Variants in USP47 observed in about 807,000 individuals in gnomAD.
USP47 encodes the protein ubiquitin carboxyl-terminal hydrolase 47.
A neutral mutation model predicts 165.1 loss-of-function variants in USP47; 35 were observed. The observed-to-expected ratio is 0.21, with a 90% CI of 0.16 to 0.28. The LOEUF (loss-of-function observed/expected upper bound fraction) is 0.28, where lower values mean the gene tolerates loss of function less well. Among genes scored for constraint, USP47 ranks in the 10% least tolerant of loss-of-function variants. USP47 has a pLI of 1.00. For missense variants in USP47, 1,277 were observed against 1,607.4 expected (o/e 0.79, Z 3.52); for synonymous variants, 531 against 544.5 (o/e 0.98, Z 0.35).
chr11:11,900,567 A>G (rs1377294734), intron 5 of USP47, among the ~76,000 whole-genome samples: 2 of 152,200 alleles, frequency 1.3e-5, no homozygotes, highest in Non-Finnish European at 2.9e-5. Context: ...TATATAGTGC[A>G]GTGTACAGGA....
chr11:11,955,974 A>G (rs370553005), intron 27 of USP47, 27 bp from the exon 28 acceptor site: 4 of 1,518,338 alleles, frequency 2.6e-6, no homozygotes, highest in Non-Finnish European at 3.5e-6. Flanking sequence ...CTACTGGACT[A>G]ATATGTGATT....
chr11:11,915,451 G>T (rs549288308), intron 8 of USP47, among the ~76,000 whole-genome samples: 1 of 152,242 alleles, frequency 6.6e-6, no homozygotes, highest in South Asian at 2.1e-4. Context: ...ACCTCTACAG[G>T]TGATAGAATT....
chr11:11,909,985 C>T (rs1337445686), intron 8 of USP47, among the ~76,000 whole-genome samples: 1 of 152,086 alleles, frequency 6.6e-6, no homozygotes, highest in Non-Finnish European at 1.5e-5. Flanking sequence ...AAGCAGTGGT[C>T]CAAATTTGTC....
At chr11:11,918,118 G>A (rs1590374307) in intron 8 of USP47, among the ~76,000 whole-genome samples, 1 of 152,108 alleles carries the variant, frequency 6.6e-6, no homozygotes, top group South Asian at 2.1e-4. Context: ...AGAAAGTTAG[G>A]TACATCATGG....
chr11:11,915,975 A>G (rs560677408), intron 8 of USP47, among the ~76,000 whole-genome samples: 1 of 152,324 alleles, frequency 6.6e-6, no homozygotes, highest in Admixed American at 6.5e-5. Context: ...ATGTACACAT[A>G]AATGGTTAAA....
intron 7 of USP47, among the ~76,000 whole-genome samples, chr11:11,905,072 CT>C (rs1270013008): frequency 2.0e-5 from 3 of 151,934 alleles, no homozygotes; most frequent in Non-Finnish European, 4.4e-5. Flanking sequence ...TAATTGGTAA[CT>C]GATTTCATCA....
intron 5 of USP47, 87 bp downstream of exon 5, chr11:11,897,780 T>A: frequency 3.0e-6 from 3 of 984,356 alleles, no homozygotes; most frequent in Non-Finnish European, 4.6e-6. Context: ...TGCAGTTATT[T>A]TAAAGTTTGG....
chr11:11,874,561 A>AC (rs1445917719), intron 1 of USP47, among the ~76,000 whole-genome samples: 1 of 148,108 alleles, frequency 6.8e-6, no homozygotes, highest in Non-Finnish European at 1.5e-5. Context: ...TGAAGCTGAT[A>AC]CTTTTTTTTT....
chr11:11,885,627 T>C (rs376858575), intron 3 of USP47, among the ~76,000 whole-genome samples: 6 of 152,044 alleles, frequency 3.9e-5, no homozygotes, highest in African/African-American at 1.2e-4. Flanking sequence ...GACACACATA[T>C]AGACCCCAGG....
intron 24 of USP47, chr11:11,951,859 A>G (rs1856248393): frequency 6.6e-6 from 1 of 152,178 alleles, no homozygotes; most frequent in African/African-American, 2.4e-5. Context: ...CGTAGGGAAT[A>G]ATCACTGTGC....
chr11:11,948,199 G>T, intron 21 of USP47, 79 bp downstream of exon 21: 2 of 1,450,880 alleles, frequency 1.4e-6, no homozygotes, highest in Non-Finnish European at 1.8e-6. Flanking sequence ...ACTTCCAAGT[G>T]AGGTGAAGTA....
intron 1 of USP47, among the ~76,000 whole-genome samples, chr11:11,843,088 C>T (rs1848230680): frequency 2.6e-5 from 4 of 152,090 alleles, no homozygotes. Flanking sequence ...CAGGCTAATG[C>T]TTTGGATTTT....
intron 1 of USP47, among the ~76,000 whole-genome samples, chr11:11,856,304 T>C (rs929279263): frequency 1.3e-5 from 2 of 152,246 alleles, no homozygotes; most frequent in African/African-American, 2.4e-5. Flanking sequence ...TTTTACTTGC[T>C]GGAATGTTTT....
chr11:11,930,672 T>G, intron 13 of USP47, 24 bp from the exon 14 acceptor site: 2 of 1,559,752 alleles, frequency 1.3e-6, no homozygotes, highest in South Asian at 2.4e-5. Flanking sequence ...TTGTCCTTAT[T>G]AATCTTTTTT....
intron 3 of USP47, among the ~76,000 whole-genome samples, chr11:11,887,752 C>T (rs1388403378): frequency 6.6e-6 from 1 of 152,164 alleles, no homozygotes; most frequent in African/African-American, 2.4e-5. Flanking sequence ...GAACTCCCCA[C>T]CCCACAACAA....
intron 1 of USP47, among the ~76,000 whole-genome samples, chr11:11,874,073 T>C (rs1850237987): frequency 6.6e-6 from 1 of 152,196 alleles, no homozygotes; most frequent in African/African-American, 2.4e-5. Flanking sequence ...AAAAAACTGA[T>C]AGAAAAACTA....
intron 17 of USP47, among the ~76,000 whole-genome samples, chr11:11,937,705 C>T (rs1370540498): frequency 1.3e-5 from 2 of 151,054 alleles, no homozygotes; most frequent in African/African-American, 4.9e-5. Context: ...AGTCTTTATT[C>T]ATTAATAATC....
At chr11:11,872,782 ATTCT>A (rs1198639165) in intron 1 of USP47, among the ~76,000 whole-genome samples, 9 of 152,226 alleles carry the variant, frequency 5.9e-5, no homozygotes, top group African/African-American at 2.2e-4. Flanking sequence ...TGATCTAGTA[ATTCT>A]TTCTTTGAGA....
intron 1 of USP47, among the ~76,000 whole-genome samples, chr11:11,876,629 C>T (rs955983808): frequency 6.6e-6 from 1 of 152,172 alleles, no homozygotes; most frequent in African/African-American, 2.4e-5. Context: ...TTGAATGGAA[C>T]GTCCAAAAGG....
Sources: gnomAD v4.1 joint callset for allele counts (sites outside exome capture counted in the v4.1 genomes callset) on GRCh38, gnomAD v4.1.1 for gene constraint, MANE v1.5 for transcripts, NCBI Gene and HGNC (gene_info 2026-07-23, HGNC 2026-07-21) for gene names.